The following TMEM182 variants were observed in gnomAD, a reference collection of about 807,000 sequenced individuals.
TMEM182 encodes transmembrane protein 182.
TMEM182 carries 20 observed loss-of-function variants against 26.8 expected under a neutral mutation model. The ratio of observed to expected loss-of-function variants is 0.75; its 90% confidence interval spans 0.53 to 1.09. The LOEUF is 1.09. Ranked by LOEUF, TMEM182 falls within the 50% of genes least tolerant of loss-of-function variation. The probability of loss-of-function intolerance (pLI) is 0.00; values close to 1 mark genes in which losing one functional copy is unlikely to be tolerated. For synonymous variants in TMEM182, 109 were observed against 102.2 expected, an observed-to-expected ratio of 1.07 and a Z score of -0.40; for missense variants, 277 against 275.5, an observed-to-expected ratio of 1.01 and a Z score of -0.04.
intron 3 of TMEM182, among the ~76,000 whole-genome samples, chr2:102,780,749 A>G (rs1681131914): frequency 6.6e-6 from 1 of 152,132 alleles, no homozygotes; most frequent in Non-Finnish European, 1.5e-5. Flanking sequence ...ACCTTGTTAC[A>G]AACTGTGGAG....
chr2:102,787,725 C>T (rs1486663836), intron 3 of TMEM182, among the ~76,000 whole-genome samples: 2 of 152,208 alleles, frequency 1.3e-5, no homozygotes, highest in Non-Finnish European at 2.9e-5. Flanking sequence ...GCAGAGGGAT[C>T]AGTGCCAAGC....
intron 3 of TMEM182, among the ~76,000 whole-genome samples, chr2:102,796,136 GA>G (rs1480577552): frequency 6.6e-6 from 1 of 152,192 alleles, no homozygotes; most frequent in African/African-American, 2.4e-5. Context: ...TCTAGGAAAT[GA>G]ATTCAACTAA....
chr2:102,843,317 C>G (rs1248061039), intron 3 of TMEM182: 1 of 152,214 alleles, frequency 6.6e-6, no homozygotes. Flanking sequence ...GACACAGTTC[C>G]AATCTACCTA....
intron 4 of TMEM182, among the ~76,000 whole-genome samples, chr2:102,808,527 T>C (rs1279670797): frequency 1.3e-5 from 2 of 152,144 alleles, no homozygotes; most frequent in African/African-American, 4.8e-5. Context: ...TTGCCTAAGA[T>C]TGTGCTCCAT....
intron 3 of TMEM182, among the ~76,000 whole-genome samples, chr2:102,823,666 A>G (rs1370778675): frequency 6.6e-6 from 1 of 152,206 alleles, no homozygotes; most frequent in African/African-American, 2.4e-5. Flanking sequence ...CCATTCACTG[A>G]AAGAAAATAG....
intron 3 of TMEM182, among the ~76,000 whole-genome samples, chr2:102,836,262 T>G (rs1445570345): frequency 1.3e-5 from 2 of 152,198 alleles, no homozygotes; most frequent in Non-Finnish European, 2.9e-5. Flanking sequence ...AGATTATAAT[T>G]GCTGGATCAT....
At chr2:102,774,434 T>G (rs1366674320) in intron 3 of TMEM182, among the ~76,000 whole-genome samples, 1 of 151,554 alleles carries the variant, frequency 6.6e-6, no homozygotes, top group Non-Finnish European at 1.5e-5. Flanking sequence ...TTTTTTTTTT[T>G]TTGTATTTTC....
At chr2:102,802,543 C>T (rs925719856) in intron 4 of TMEM182, among the ~76,000 whole-genome samples, 3 of 152,176 alleles carry the variant, frequency 2.0e-5, no homozygotes, top group South Asian at 2.1e-4. Context: ...TTTGTTTTAA[C>T]GTGGACTCAC....
At chr2:102,812,347 T>TTGTC (rs529125924) in intron 4 of TMEM182, among the ~76,000 whole-genome samples, 3 of 147,600 alleles carry the variant, frequency 2.0e-5, no homozygotes, top group Non-Finnish European at 4.5e-5. Flanking sequence ...TTCCTTCTCA[T>TTGTC]TGTCTGTCTC....
intron 1 of TMEM182, among the ~76,000 whole-genome samples, chr2:102,740,272 CA>C (rs1421393469): frequency 6.6e-6 from 1 of 152,122 alleles, no homozygotes; most frequent in Non-Finnish European, 1.5e-5. Context: ...CCTTAATCCC[CA>C]TGTGTTGTGG....
chr2:102,842,370 C>T (rs1053203803), intron 3 of TMEM182, among the ~76,000 whole-genome samples: 5 of 152,168 alleles, frequency 3.3e-5, no homozygotes, highest in Non-Finnish European at 7.3e-5. Flanking sequence ...GATCCTTGAA[C>T]TTGCAGTGCC....
chr2:102,762,084 C>T lies in TMEM182; in HGVS notation c.-134C>T, dbSNP rs2104655034. The stretch of plus-strand genomic sequence containing the variant: ...GCCACCAAAACATGAGCTAGGACAG[C>T]CTTCTCAAGAAGATTCTGCCAACTC... On this transcript the variant is annotated 5_prime_UTR_variant, in exon 1 of 5. Coordinates refer to ENST00000412401, the MANE Select transcript of TMEM182 (RefSeq NM_144632.5). The T allele has an allele frequency of 1.3e-6, 1 of 747,144 alleles. No homozygotes were observed. The highest frequency in any genetic ancestry group is 1.9e-5 in the South Asian group (1 of 52,134). 46.3% of individuals were successfully genotyped at this position (747,144 alleles called of 1,614,324 possible). A position where few individuals can be genotyped will look rare whatever the true frequency, so the allele number is the denominator to read the frequency against.
At chr2:102,806,638 A>T (rs369166565) in intron 4 of TMEM182, among the ~76,000 whole-genome samples, 2 of 152,194 alleles carry the variant, frequency 1.3e-5, no homozygotes, top group South Asian at 4.1e-4. Flanking sequence ...GCTAACCATT[A>T]GCAGGAGCTC....
chr2:102,771,772 T>C (rs1192007623), intron 3 of TMEM182, among the ~76,000 whole-genome samples: 2 of 152,184 alleles, frequency 1.3e-5, no homozygotes, highest in Non-Finnish European at 2.9e-5. Flanking sequence ...GCAGGATTTC[T>C]CAACCTTCAC....
intron 4 of TMEM182, among the ~76,000 whole-genome samples, chr2:102,806,253 A>G (rs1339217662): frequency 6.6e-6 from 1 of 151,946 alleles, no homozygotes; most frequent in Admixed American, 6.6e-5. Flanking sequence ...TGCTTGACCT[A>G]GGCTAACGGT....
intron 3 of TMEM182, among the ~76,000 whole-genome samples, chr2:102,782,112 C>T (rs960302924): frequency 4.6e-5 from 7 of 151,970 alleles, no homozygotes; most frequent in African/African-American, 9.7e-5. Flanking sequence ...TTGAGACCAG[C>T]GTGGCCAACG....
intron 4 of TMEM182, among the ~76,000 whole-genome samples, chr2:102,804,524 T>A (rs530074603): frequency 6.6e-6 from 1 of 152,360 alleles, no homozygotes; most frequent in Admixed American, 6.5e-5. Flanking sequence ...CCATTGTATA[T>A]ATGTACCACA....
chr2:102,825,326 C>T (rs916937239), intron 3 of TMEM182, among the ~76,000 whole-genome samples: 12 of 152,152 alleles, frequency 7.9e-5, no homozygotes, highest in Non-Finnish European at 1.6e-4. Flanking sequence ...ACAATTCTGC[C>T]CTCAGAGTCA....
intron 4 of TMEM182, among the ~76,000 whole-genome samples, chr2:102,806,601 T>C (rs993376448): frequency 4.6e-5 from 7 of 152,186 alleles, no homozygotes; most frequent in Admixed American, 4.6e-4. Flanking sequence ...TCTCTGATGC[T>C]TTAGAAGATT....
Sources: gnomAD v4.1 joint callset for allele counts (sites outside exome capture counted in the v4.1 genomes callset) on GRCh38, gnomAD v4.1.1 for gene constraint, MANE v1.5 for transcripts, NCBI Gene and HGNC (gene_info 2026-07-23, HGNC 2026-07-21) for gene names.